The following C2CD3 variants were observed in gnomAD, a reference collection of about 807,000 sequenced individuals.
C2CD3 encodes the protein C2 domain containing 3 centriole elongation regulator, also known as C2 domain-containing protein 3.
Under a neutral mutation model 234.0 loss-of-function variants are expected in C2CD3, and 148 were observed. That is an observed-to-expected ratio of 0.63 (90% CI 0.55 to 0.72). C2CD3 has a LOEUF of 0.72. Among genes scored for constraint, C2CD3 ranks in the 30% least tolerant of loss-of-function variants. The pLI, the probability that C2CD3 is intolerant of heterozygous loss-of-function variation, is 0.00. For synonymous variants in C2CD3, 1,000 were observed against 1,035.4 expected (o/e 0.97, Z 0.66); for missense variants, 2,577 against 2,811.5 (o/e 0.92, Z 1.89).
chr11:74,131,094 G>C (rs11236016), intron 7 of C2CD3, among the ~76,000 whole-genome samples: 30,260 of 151,418 alleles, frequency 0.2, 3,130 homozygotes, highest in East Asian at 0.3. Flanking sequence ...GACTACAAGC[G>C]TGTGCCATCA....
In C2CD3 at chr11:74,033,765, C is replaced by A; in HGVS notation, c.6395G>T (p.Ser2132Ile). ...ELMVKSSFLSSPERAVNPHLP... is the reference protein window; with the variant it reads ...ELMVKSSFLSIPERAVNPHLP... ...GTGGGGGTTGACAGCCCTTTCTGGG[C>A]TGGAGAGAAAGCTACTTTTGACCAT... The change falls in exon 31 of 33, where the codon AGC becomes ATC. Residue 2132 changes from serine (S) to isoleucine (I), a missense_variant. By Grantham distance (142) the Ser-to-Ile change is moderately radical (BLOSUM62 -2). Coordinates refer to ENST00000334126, the MANE Select transcript of C2CD3 (RefSeq NM_001286577.2). The A allele has an allele frequency of 6.5e-7, 1 of 1,536,340 alleles. No homozygotes were observed. Among genetic ancestry groups the A allele is most frequent in the Non-Finnish European group, 8.7e-7 (1 of 1,146,958 alleles).
chr11:74,047,250 G>A (rs981179919), intron 28 of C2CD3, among the ~76,000 whole-genome samples: 2 of 152,184 alleles, frequency 1.3e-5, no homozygotes, highest in African/African-American at 4.8e-5. Flanking sequence ...TATATAATAT[G>A]ACACTTCGAT....
Position 74,037,479 on chromosome 11 carries a change from T to C in C2CD3, c.5880A>G (p.Thr1960=). The change falls in exon 30 of 33, where the codon ACA becomes ACG. Residue 1960 remains threonine, a splice_region_variant and synonymous_variant. Coordinates refer to ENST00000334126, the MANE Select transcript of C2CD3 (RefSeq NM_001286577.2). Reference sequence around the variant, plus strand: ...AACAAGAAAGGATCTGAGTCATACCTGTGATTAAGGAGCTGACTTGCAACA... The same window carrying C: ...AACAAGAAAGGATCTGAGTCATACCCGTGATTAAGGAGCTGACTTGCAACA... ...NLVLQVSSLI[T]DLQTITRDSQ... 1.2e-6 allele frequency: 2 copies of C among 1,610,364 alleles called. No individual in the cohort carries two copies. The highest frequency in any genetic ancestry group is 1.7e-6 in the Non-Finnish European group (2 of 1,176,680).
chr11:74,016,481 C>T (rs887800059), intron 32 of C2CD3: 2 of 152,520 alleles, frequency 1.3e-5, no homozygotes, highest in Non-Finnish European at 2.9e-5. Flanking sequence ...TACCCTAACC[C>T]AATGACCTAG....
intron 32 of C2CD3, among the ~76,000 whole-genome samples, chr11:74,026,112 T>C (rs926224035): frequency 1.3e-4 from 20 of 152,234 alleles, no homozygotes; most frequent in African/African-American, 3.9e-4. Context: ...AAAACTGAGA[T>C]GTAGCCTGGG....
intron 32 of C2CD3, among the ~76,000 whole-genome samples, chr11:74,026,917 G>A (rs1952322900): frequency 7.3e-6 from 1 of 136,312 alleles, no homozygotes; most frequent in African/African-American, 2.8e-5. Flanking sequence ...GTTGCAGTGA[G>A]CCGAGATCAC....
At chr11:74,018,794 C>T (rs1951970516) in intron 32 of C2CD3, among the ~76,000 whole-genome samples, 2 of 152,236 alleles carry the variant, frequency 1.3e-5, no homozygotes, top group Non-Finnish European at 2.9e-5. Context: ...AATCCCAAAT[C>T]TGACCTGCTC....
chr11:74,107,878 T>C lies in C2CD3; in HGVS notation c.1962+1156A>G, dbSNP rs575973070. 1.2e-4 allele frequency: 19 copies of C among 152,062 alleles called. No homozygotes were observed. The East Asian group carries it at 3.3e-3, about 26-fold the overall frequency. The allele number at this position is 152,062 out of a possible 1,614,324, so 9.4% of individuals were successfully genotyped here. ...TTAGAAAAAAAATGCCGGCCGGGCA[T>C]GGTGGCTCACGCCTGTAATCCCAGC... On this transcript the variant is annotated intron_variant, in intron 12 of 32. Transcript: ENST00000334126.
chr11:74,087,422 G>A (rs1466517208), intron 20 of C2CD3, among the ~76,000 whole-genome samples: 16 of 151,972 alleles, frequency 1.1e-4, no homozygotes, highest in African/African-American at 2.9e-4. Flanking sequence ...AAACTTAGCC[G>A]GGCGTGGTGG....
Position 74,169,188 on chromosome 11 carries a change from TCA to T in C2CD3, c.56-577_56-576del, listed in dbSNP as rs376467701. ...TTGTAACTTTTCTTTCCTGCCAAGA[TCA>T]CACAGTCAGTGAGGACACAGACTAT... On this transcript the variant is annotated intron_variant, in intron 1 of 32. Coordinates refer to ENST00000334126, the MANE Select transcript of C2CD3 (RefSeq NM_001286577.2). Among the ~76,000 whole-genome samples the T allele has an allele frequency of 2.0e-5, 3 of 152,350 alleles. No individual in the cohort carries two copies. In the South Asian group the frequency reaches 6.2e-4, roughly 32 times the overall value.
chr11:74,092,359 T>C, intron 19 of C2CD3, 57 bp downstream of exon 19: 1 of 1,507,442 alleles, frequency 6.6e-7, no homozygotes, highest in South Asian at 1.1e-5. Flanking sequence ...CCGGCTATTT[T>C]ATATATTTTT....
chr11:74,062,620 A>T (rs1037066047), intron 24 of C2CD3, among the ~76,000 whole-genome samples: 15 of 152,278 alleles, frequency 9.9e-5, no homozygotes, highest in African/African-American at 3.4e-4. Context: ...GACACATTTA[A>T]AGCAGTGTGT....
intron 5 of C2CD3, 124 bp from the exon 6 acceptor site, chr11:74,133,681 C>A: frequency 1.1e-6 from 1 of 932,798 alleles, no homozygotes. Flanking sequence ...GCTCATCTGC[C>A]TTCCCCATTA....
rs570315365 is a variant in C2CD3 at position 74,168,607 on chromosome 11, C to T, written c.62G>A (p.Ser21Asn). 5.1e-4 allele frequency: 826 copies of T among 1,613,564 alleles called. 12 individuals are homozygous for T. In the South Asian group the frequency reaches 8.3e-3, roughly 16 times the overall value. The change falls in exon 2 of 33, where the codon AGT (serine) becomes AAT (asparagine). Residue 21 changes from serine (S) to asparagine (N), a missense_variant. Ser to Asn is a conservative substitution (Grantham distance 46). Transcript: ENST00000334126. ...GSRGRKKRGL[S>N]DISPSTSLPP... ...CAGGCTTGTAGATGGAGAAATGTCA[C>T]TTAAACCTGTAGAGGAATCCAAGAA...
intron 29 of C2CD3, among the ~76,000 whole-genome samples, chr11:74,041,410 A>C (rs1953049186): frequency 6.6e-6 from 1 of 152,218 alleles, no homozygotes; most frequent in Non-Finnish European, 1.5e-5. Flanking sequence ...GACTTCTTTA[A>C]ATCTTTCCAG....
At chr11:74,109,676 G>A (rs1226094486) in intron 11 of C2CD3, among the ~76,000 whole-genome samples, 3 of 152,200 alleles carry the variant, frequency 2.0e-5, no homozygotes, top group Non-Finnish European at 4.4e-5. Flanking sequence ...TATCTCTTGG[G>A]TGGAAAGGAA....
In C2CD3 at chr11:74,098,056, T is replaced by C. The variant is rs555762181; in HGVS notation, c.2932A>G (p.Arg978Gly). Residue 978 changes from arginine (R) to glycine (G), a missense_variant, in exon 16 of 33, where the codon AGG becomes GGG. Arg to Gly is a moderately radical substitution (Grantham distance 125, BLOSUM62 -2). Coordinates refer to ENST00000334126, the MANE Select transcript of C2CD3 (RefSeq NM_001286577.2). ...GGCTGGTCCAGGAAATGGGCTGGCCTAGGGCTGAAGGGAGGGAGTGTTCCT... is the reference window on the plus strand; with the variant it reads ...GGCTGGTCCAGGAAATGGGCTGGCCCAGGGCTGAAGGGAGGGAGTGTTCCT... ...EEGTLPPFSP[R>G]PAHFLDQPTA... The C allele has an allele frequency of 1.2e-6, 2 of 1,614,084 alleles. No homozygotes were observed. Among genetic ancestry groups the C allele is most frequent in the African/African-American group, 2.7e-5 (2 of 75,058 alleles).
chr11:74,123,195 T>A (rs1397468485), intron 7 of C2CD3, 60 bp from the exon 8 acceptor site: 1 of 1,290,008 alleles, frequency 7.8e-7, no homozygotes, highest in Non-Finnish European at 1.1e-6. Context: ...TGAACTATTC[T>A]CTCTTTAGTG....
Position 74,111,961 on chromosome 11 carries a change from CACACACACATAT to C in C2CD3, c.1843+1807_1843+1818del, listed in dbSNP as rs1314333262. ...ACACACACACACACACACACACACA[CACACACACATAT>C]ATATATACACACACACATTATCTAT... On this transcript the variant is annotated intron_variant, in intron 11 of 32. Transcript: ENST00000334126. Among the ~76,000 whole-genome samples, 17 of 132,552 alleles carry C rather than the reference CACACACACATAT, an allele frequency of 1.3e-4. 1 individual carries two copies. Among genetic ancestry groups the C allele is most frequent in the East Asian group, 5.9e-4 (2 of 3,402 alleles). The allele number at this position is 132,552 out of a possible 152,430, so 87.0% of individuals were successfully genotyped here.
Sources: gnomAD v4.1 joint callset for allele counts (sites outside exome capture counted in the v4.1 genomes callset) on GRCh38, gnomAD v4.1.1 for gene constraint, MANE v1.5 for transcripts, NCBI Gene and HGNC (gene_info 2026-07-23, HGNC 2026-07-21) for gene names.